EFTUD2: variants seen among roughly 807,000 people sequenced by gnomAD.
EFTUD2 encodes the protein 116 kDa U5 small nuclear ribonucleoprotein component.
A neutral mutation model predicts 114.3 loss-of-function variants in EFTUD2; 9 were observed. That is an observed-to-expected ratio of 0.08 (90% confidence interval 0.05 to 0.14). The LOEUF is 0.14. Ranked by LOEUF, EFTUD2 falls within the 10% of genes least tolerant of loss-of-function variation. EFTUD2 has a pLI of 1.00. For missense variants in EFTUD2, 765 were observed against 1,241.2 expected (o/e 0.62, Z 5.76); for synonymous variants, 449 against 462.3 (o/e 0.97, Z 0.37).
In EFTUD2 at chr17:44,865,052, A is replaced by G; in HGVS notation, c.1163T>C (p.Val388Ala). The G allele has an allele frequency of 1.2e-6, 2 of 1,614,168 alleles. No homozygotes were observed. The highest frequency in any genetic ancestry group is 1.7e-6 in the Non-Finnish European group (2 of 1,180,032). ...TAGGGTCCGTGGGAGGCTGGTGTCC[A>G]CGTCACCTACAACCTGTGAGGGTGT... ...YKILAQVVGD[V>A]DTSLPRTLDE... is the part of the protein sequence containing the mutation. The change falls in exon 14 of 28, where the codon GTG becomes GCG. Residue 388 changes from valine (V) to alanine (A), a missense_variant. Val to Ala is a moderately conservative substitution (Grantham distance 64). Around this residue, in one of 6 missense-constraint regions of EFTUD2, gnomAD observed 251 missense variants for 357.7 expected, o/e 0.70. Transcript: ENST00000426333.
chr17:44,854,208 C>G lies in EFTUD2; in HGVS notation c.2347+61G>C. On this transcript the variant is annotated intron_variant, in intron 23 of 27. Transcript: ENST00000426333. This position sits in a 1 kb window ranked among gnomAD's most constrained non-coding sequence, Gnocchi z 4.3. ...TCCTAAAGATGGTGAGCCCATCCCACTCATATGCCTGGCTGCAAGGACCCT... is the reference window on the plus strand; with the variant it reads ...TCCTAAAGATGGTGAGCCCATCCCAGTCATATGCCTGGCTGCAAGGACCCT... 1.3e-6 allele frequency: 2 copies of G among 1,535,604 alleles called. No individual in the cohort carries two copies. The highest frequency in any genetic ancestry group is 1.8e-6 in the Non-Finnish European group (2 of 1,130,718).
rs148211025 is a variant in EFTUD2, at chr17:44,867,217, A to G, written c.1149+590T>C. On this transcript the variant is annotated intron_variant, in intron 13 of 27. Coordinates refer to ENST00000426333, the MANE Select transcript of EFTUD2 (RefSeq NM_004247.4). ...TGAAATGATTAGTTCTAAGTGTCACATTCTTCTCAATAGTCAAGATCTGTT... is the reference window on the plus strand; with the variant it reads ...TGAAATGATTAGTTCTAAGTGTCACGTTCTTCTCAATAGTCAAGATCTGTT... Among the ~76,000 whole-genome samples the G allele has an allele frequency of 3.3e-5, 5 of 152,106 alleles. No homozygotes were observed. The East Asian group carries it at 9.6e-4, about 29-fold the overall frequency.
rs765588398 is a variant in EFTUD2 at position 44,879,599 on chromosome 17, C to T, written c.659G>A (p.Arg220His). The part of the protein sequence containing the change: ...NFSDEVTAGL[R>H]ISDGVVLFID... ...GAAAAGGACCACTCCATCTGAGATGCGCAAGCCAGCTGTGACCTCATCAGA... is the reference window on the plus strand; with the variant it reads ...GAAAAGGACCACTCCATCTGAGATGTGCAAGCCAGCTGTGACCTCATCAGA... The change falls in exon 9 of 28, where the codon CGC becomes CAC. Residue 220 changes from arginine (R) to histidine (H), a missense_variant. Physicochemically the swap from Arg to His is conservative, Grantham distance 29. This residue lies in a region of EFTUD2 where 251 missense variants were observed against 357.7 expected (regional missense o/e 0.70). Transcript: ENST00000426333. 8 of 1,613,920 alleles carry T rather than the reference C, an allele frequency of 5.0e-6. No individual in the cohort carries two copies. The highest frequency in any genetic ancestry group is 1.7e-5 in the Admixed American group (1 of 60,006).
rs149233363 is a variant in EFTUD2 at position 44,860,317 on chromosome 17, C to T, written c.1719+115G>A. 7.9e-4 allele frequency: 665 copies of T among 838,106 alleles called. 2 individuals are homozygous for T. In the African/African-American group the frequency reaches 9.8e-3, roughly 12 times the overall value. 51.9% of individuals were successfully genotyped at this position (838,106 alleles called of 1,614,324 possible). ...ATCCAGCAGGGTCATATCTAGAAGG[C>T]TAAGCCTGAAACCAGGACATGGCAA... is the stretch of plus-strand genomic sequence containing the variant. On this transcript the variant is annotated intron_variant, in intron 17 of 27. Coordinates refer to ENST00000426333, the MANE Select transcript of EFTUD2 (RefSeq NM_004247.4).
In EFTUD2 at chr17:44,850,597, G is replaced by A. The variant is rs2304987; in HGVS notation, c.*677C>T. On this transcript the variant is annotated 3_prime_UTR_variant, in exon 28 of 28. Transcript: ENST00000426333. ...TGGCCCCCTACTCCAGGGCAAGGAAGATTCTTAGGGGAGGCAGCAGTTTCC... is the reference window on the plus strand; with the variant it reads ...TGGCCCCCTACTCCAGGGCAAGGAAAATTCTTAGGGGAGGCAGCAGTTTCC... 0.23 allele frequency: 113,231 copies of A among 500,088 alleles called. 13,232 individuals carry two copies. The highest frequency in any genetic ancestry group is 0.31 in the East Asian group (10,062 of 32,734). The allele number at this position is 500,088 out of a possible 1,614,324, so 31.0% of individuals were successfully genotyped here. A position where few individuals can be genotyped will look rare whatever the true frequency, so the allele number is the denominator to read the frequency against.
Position 44,867,629 on chromosome 17 carries a change from A to G in EFTUD2, c.1149+178T>C, listed in dbSNP as rs558397721. Among the ~76,000 whole-genome samples, 8 of 152,070 alleles carry G rather than the reference A, an allele frequency of 5.3e-5. No individual in the cohort carries two copies. In the East Asian group the frequency reaches 1.5e-3, roughly 29 times the overall value. On this transcript the variant is annotated intron_variant, in intron 13 of 27. Coordinates refer to ENST00000426333, the MANE Select transcript of EFTUD2 (RefSeq NM_004247.4). ...TTCCTTTGATTTTAATAACACTTAG[A>G]GTAATGTAGTGTTCTGGATCCAGAA... is the stretch of plus-strand genomic sequence containing the variant.
At chr17:44,857,839 G>A (rs1567731762) in intron 19 of EFTUD2, among the ~76,000 whole-genome samples, 1 of 151,720 alleles carries the variant, frequency 6.6e-6, no homozygotes, top group African/African-American at 2.4e-5. Flanking sequence ...CCACCCATGG[G>A]TTAATTGTTT....
At chr17:44,894,773 T>A (rs1191590691) in intron 1 of EFTUD2, among the ~76,000 whole-genome samples, 1 of 152,062 alleles carries the variant, frequency 6.6e-6, no homozygotes, top group South Asian at 2.1e-4. Context: ...GAGCAGAGAG[T>A]TGAATAGGCA....
chr17:44,850,333 T>C lies in EFTUD2; in HGVS notation c.*941A>G, dbSNP rs2050421504. On this transcript the variant is annotated 3_prime_UTR_variant, in exon 28 of 28. Coordinates refer to ENST00000426333, the MANE Select transcript of EFTUD2 (RefSeq NM_004247.4). ...CATTATTTCTTTTCTCTCACACAGG[T>C]GCTGTGTACACAATGTACAGCGATT... is the stretch of plus-strand genomic sequence containing the variant. The C allele has an allele frequency of 1.2e-6, 2 of 1,611,554 alleles. No homozygotes were observed. The highest frequency in any genetic ancestry group is 1.7e-6 in the Non-Finnish European group (2 of 1,178,458).
At chr17:44,853,196 A>T (rs886543891) in intron 25 of EFTUD2, 100 bp downstream of exon 25, 1 of 1,214,966 alleles carries the variant, frequency 8.2e-7, no homozygotes, top group Non-Finnish European at 1.2e-6. Flanking sequence ...CAGAGAGAGG[A>T]GGGTAGAGAA....
chr17:44,862,882 T>G lies in EFTUD2; in HGVS notation c.1438A>C (p.Lys480Gln), dbSNP rs1311640248. ...ACTCCATCATCTGTGCTGTACATCT[T>G]AGTAGTGTGGCACATCAGGGGGCCC... ...PDGPLMCHTT[K>Q]MYSTDDGVQF... is the part of the protein sequence containing the mutation. Residue 480 changes from lysine to glutamine, a missense_variant, in exon 16 of 28, where the codon AAG (lysine) becomes CAG (glutamine). Physicochemically the swap from Lys to Gln is moderately conservative, Grantham distance 53. This residue lies in a region of EFTUD2 where 149 missense variants were observed against 245.1 expected (regional missense o/e 0.61). Transcript: ENST00000426333. 1 of 1,612,122 alleles carries G rather than the reference T, an allele frequency of 6.2e-7. No individual in the cohort carries two copies. Among genetic ancestry groups the G allele is most frequent in the Non-Finnish European group, 8.5e-7 (1 of 1,178,344 alleles).
At chr17:44,860,156 A>T in intron 17 of EFTUD2, 111 bp from the exon 18 acceptor site, 2 of 1,489,620 alleles carry the variant, frequency 1.3e-6, no homozygotes, top group Non-Finnish European at 1.8e-6. Context: ...TGTATTCCCC[A>T]ACCAGGAGCC....
At position 44,850,960 on chromosome 17, in the gene EFTUD2, G is replaced by A; in HGVS notation, c.*314C>T. Reference sequence around the variant, plus strand: ...GCAAACCATGGCTAAGGTCAAACTTGTAGAAAATAAAATTCCATGTAAATC... The same window carrying A: ...GCAAACCATGGCTAAGGTCAAACTTATAGAAAATAAAATTCCATGTAAATC... On this transcript the variant is annotated 3_prime_UTR_variant, in exon 28 of 28. Coordinates refer to ENST00000426333, the MANE Select transcript of EFTUD2 (RefSeq NM_004247.4). 1 of 365,206 alleles carries A rather than the reference G, an allele frequency of 2.7e-6. No homozygotes were observed. The highest frequency in any genetic ancestry group is 3.9e-5 in the Admixed American group (1 of 25,858). The allele number at this position is 365,206 out of a possible 1,614,324, so 22.6% of individuals were successfully genotyped here. A position where few individuals can be genotyped will look rare whatever the true frequency, so the allele number is the denominator to read the frequency against.
chr17:44,855,140 G>A (rs1262265205), intron 20 of EFTUD2, 136 bp from the exon 21 acceptor site: 10 of 758,868 alleles, frequency 1.3e-5, no homozygotes, highest in Non-Finnish European at 2.1e-5. Flanking sequence ...TGGTGGTTCA[G>A]ACCTGTAATC....
At chr17:44,898,042 G>A (rs539776861) in intron 1 of EFTUD2, among the ~76,000 whole-genome samples, 1 of 152,266 alleles carries the variant, frequency 6.6e-6, no homozygotes, top group South Asian at 2.1e-4. Context: ...AATGCCACCT[G>A]CTGGGTGCTG....
chr17:44,892,969 A>G lies in EFTUD2; in HGVS notation c.105+1448T>C, dbSNP rs528683312. On this transcript the variant is annotated intron_variant, in intron 2 of 27. Transcript: ENST00000426333. ...AAAAGAAAAAAAAATGCTGGTTTATAAGACATCAATAAAAAACTTCAAATG... is the reference window on the plus strand; with the variant it reads ...AAAAGAAAAAAAAATGCTGGTTTATGAGACATCAATAAAAAACTTCAAATG... Among the ~76,000 whole-genome samples, 6 of 152,302 alleles carry G rather than the reference A, an allele frequency of 3.9e-5. No individual in the cohort carries two copies. The South Asian group carries it at 1.2e-3, about 32-fold the overall frequency.
rs1447718273 is a variant in EFTUD2, at chr17:44,883,650, T to C, written c.425A>G (p.Lys142Arg). 1 of 1,613,958 alleles carries C rather than the reference T, an allele frequency of 6.2e-7. No individual in the cohort carries two copies. The highest frequency in any genetic ancestry group is 1.7e-5 in the Admixed American group (1 of 60,026). Residue 142 changes from lysine to arginine, a missense_variant and splice_region_variant, in exon 5 of 28, where the codon AAG becomes AGG. By Grantham distance (26) the Lys-to-Arg change is conservative. This residue lies in a region of EFTUD2 where 19 missense variants were observed against 53.0 expected (regional missense o/e 0.36). Transcript: ENST00000426333. The stretch of plus-strand genomic sequence containing the variant: ...AAGTAGCTGAAAGTTCCGTCTTACC[T>C]TGCCATGGTGGAGATGTCCACAAAG... ...VTLCGHLHHG[K>R]TCFVDCLIEQ... is the part of the protein sequence containing the mutation.
At chr17:44,853,941 C>T (rs943230388) in intron 23 of EFTUD2, 62 of 1,358,332 alleles carry the variant, frequency 4.6e-5, no homozygotes, top group Middle Eastern at 2.8e-4. Context: ...CAGAATTGTA[C>T]ATTTGGTCCA....
intron 4 of EFTUD2, among the ~76,000 whole-genome samples, chr17:44,884,879 C>A (rs2051138509): frequency 6.6e-6 from 1 of 152,114 alleles, no homozygotes; most frequent in Non-Finnish European, 1.5e-5. Context: ...AAAACGAGAC[C>A]TTGTCTCAAA....
Sources: allele counts gnomAD v4.1 joint callset (sites outside exome capture counted in the v4.1 genomes callset), GRCh38; gene constraint gnomAD v4.1.1; regional missense constraint gnomAD v4.1.1; non-coding constraint Gnocchi (gnomAD v3.1); transcripts MANE v1.5; gene names NCBI Gene and HGNC (gene_info 2026-07-23, HGNC 2026-07-21).